CHD9: variants seen among roughly 807,000 people sequenced by gnomAD.
The protein encoded by CHD9 is ATP-dependent chromatin remodeler CHD9.
In CHD9, 77 loss-of-function variants were observed where a neutral mutation model predicts 316.1. The observed-to-expected ratio is 0.24, with a 90% CI of 0.20 to 0.29. CHD9 has a LOEUF of 0.29. CHD9 is among the 10% of genes least tolerant of loss of function. The pLI, the probability that CHD9 is intolerant of heterozygous loss-of-function variation, is 1.00. For synonymous variants in CHD9, 1,129 were observed against 1,158.3 expected (o/e 0.97, Z 0.51); for missense variants, 2,763 against 3,438.1 (o/e 0.80, Z 4.91).
At chr16:53,106,230 G>T (rs1368282837) in intron 1 of CHD9, among the ~76,000 whole-genome samples, 3 of 152,188 alleles carry the variant, frequency 2.0e-5, no homozygotes, top group Non-Finnish European at 4.4e-5. Flanking sequence ...AATACAAATG[G>T]CATATGCGTT....
At chr16:53,139,748 A>T (rs975857216) in intron 1 of CHD9, among the ~76,000 whole-genome samples, 22 of 152,176 alleles carry the variant, frequency 1.4e-4, no homozygotes, top group African/African-American at 5.3e-4. Flanking sequence ...TGCAAAGTAG[A>T]TGGTAATGAC....
rs1182090388 is a variant in CHD9 at position 53,267,275 on chromosome 16, T to C, written c.4321-19T>C. 6.4e-7 allele frequency: 1 copy of C among 1,550,800 alleles called. No individual in the cohort carries two copies. The highest frequency in any genetic ancestry group is 1.4e-5 in the African/African-American group (1 of 72,738). ...AAATCATAAAAGTACCTTCAGGTAA[T>C]AGCAGTTCTGTTTTACAGAACAGCT... On this transcript the variant is annotated intron_variant, in intron 20 of 38. Transcript: ENST00000447540.
chr16:53,274,083 A>G (rs1434430751), intron 23 of CHD9, 130 bp from the exon 24 acceptor site: 1 of 682,144 alleles, frequency 1.5e-6, no homozygotes, highest in African/African-American at 1.8e-5. Context: ...AATAAGATTC[A>G]TTTAATCAGA....
chr16:53,235,447 T>C (rs1338892647), intron 11 of CHD9, 141 bp downstream of exon 11: 2 of 592,910 alleles, frequency 3.4e-6, no homozygotes, highest in African/African-American at 1.9e-5. Context: ...CAGGAACATA[T>C]GTAAATTGCA....
At chr16:53,108,433 A>G (rs1006202130) in intron 1 of CHD9, among the ~76,000 whole-genome samples, 3 of 152,068 alleles carry the variant, frequency 2.0e-5, no homozygotes, top group Admixed American at 2.0e-4. Context: ...TGAGCCCAGG[A>G]GGTGGAGGCT....
chr16:53,283,534 T>C (rs2053598253), intron 24 of CHD9, among the ~76,000 whole-genome samples: 2 of 152,218 alleles, frequency 1.3e-5, no homozygotes, highest in Non-Finnish European at 2.9e-5. Context: ...TGCCATCTTA[T>C]GGTTGGCAAA....
At chr16:53,069,278 A>G (rs1008128813) in intron 1 of CHD9, among the ~76,000 whole-genome samples, 6 of 152,176 alleles carry the variant, frequency 3.9e-5, no homozygotes, top group Non-Finnish European at 8.8e-5. Context: ...TGCTGGGACT[A>G]CAGGCATGAG....
At chr16:53,179,569 G>T (rs898043146) in intron 2 of CHD9, among the ~76,000 whole-genome samples, 8 of 151,936 alleles carry the variant, frequency 5.3e-5, no homozygotes, top group Non-Finnish European at 4.4e-5. Flanking sequence ...AATGTATCTT[G>T]TACCCAGTCA....
intron 3 of CHD9, among the ~76,000 whole-genome samples, chr16:53,214,204 A>G (rs2046559042): frequency 1.3e-5 from 2 of 152,286 alleles, no homozygotes; most frequent in East Asian, 1.9e-4. Flanking sequence ...ACTAGCATCT[A>G]TGTCCACATG....
intron 1 of CHD9, among the ~76,000 whole-genome samples, chr16:53,093,636 A>G (rs1055386482): frequency 6.6e-6 from 1 of 152,120 alleles, no homozygotes; most frequent in Non-Finnish European, 1.5e-5. Flanking sequence ...TTTCTTCCCC[A>G]TTGTGTCATG....
chr16:53,158,146 A>G (rs548653245), intron 2 of CHD9, among the ~76,000 whole-genome samples: 5 of 152,360 alleles, frequency 3.3e-5, no homozygotes, highest in South Asian at 2.1e-4. Context: ...TGGTACCTAC[A>G]TGGCTTTGTT....
intron 13 of CHD9, 94 bp downstream of exon 13, chr16:53,243,110 T>G (rs1276189971): frequency 1.3e-5 from 11 of 839,102 alleles, no homozygotes; most frequent in Non-Finnish European, 1.8e-5. Flanking sequence ...TCTTTTTAAT[T>G]TTAGAGTGTA....
In CHD9 at chr16:53,231,471, A is replaced by C. The variant is rs1188760985; in HGVS notation, c.2339A>C (p.Glu780Ala). ...TACGTTGAAGTAGACAGAGTATTAG[A>C]AGTCTCTTTTTGTGAAGATAAGGAT... ...PDYVEVDRVLEVSFCEDKDTG... is the reference protein window; with the variant it reads ...PDYVEVDRVLAVSFCEDKDTG... The change falls in exon 9 of 39, where the codon GAA (glutamate) becomes GCA (alanine). Residue 780 changes from glutamate to alanine, a missense_variant. Coordinates refer to ENST00000447540, the MANE Select transcript of CHD9 (RefSeq NM_001308319.2). 14 of 1,601,570 alleles carry C rather than the reference A, an allele frequency of 8.7e-6. No individual in the cohort carries two copies. Among genetic ancestry groups the C allele is most frequent in the African/African-American group, 1.3e-5 (1 of 74,574 alleles).
chr16:53,245,973 T>C lies in CHD9; in HGVS notation c.3454+123T>C. The C allele has an allele frequency of 1.2e-5, 8 of 652,924 alleles. No individual in the cohort carries two copies. The highest frequency in any genetic ancestry group is 1.6e-5 in the Non-Finnish European group (7 of 432,638). The allele number at this position is 652,924 out of a possible 1,614,324, so 40.4% of individuals were successfully genotyped here. A position where few individuals can be genotyped will look rare whatever the true frequency, so the allele number is the denominator to read the frequency against. ...TCTCCACTGTGATATTCTAAGGAAT[T>C]ACAAGTGTTACAGAATCAGAGGCAA... is the stretch of plus-strand genomic sequence containing the variant. On this transcript the variant is annotated intron_variant, in intron 15 of 38. Transcript: ENST00000447540. The surrounding 1 kb of genome is among the most constrained non-coding windows in gnomAD (Gnocchi z 4.1).
intron 2 of CHD9, chr16:53,208,253 T>C: frequency 8.2e-7 from 1 of 1,218,522 alleles, no homozygotes; most frequent in South Asian, 1.4e-5. Flanking sequence ...CTTTCAATGC[T>C]TTTTTCTTGA....
chr16:53,267,691 C>CA (rs1268009603), intron 21 of CHD9, among the ~76,000 whole-genome samples: 4 of 152,116 alleles, frequency 2.6e-5, no homozygotes, highest in African/African-American at 7.2e-5. Flanking sequence ...TCACTAAAGT[C>CA]AAACTTCTTG....
chr16:53,235,151 T>G (rs778107581), intron 10 of CHD9, 34 bp from the exon 11 acceptor site: 4 of 1,538,172 alleles, frequency 2.6e-6, no homozygotes, highest in Non-Finnish European at 3.5e-6. Context: ...TATGGAAGAT[T>G]TAAACACCAT....
Position 53,129,915 on chromosome 16 carries a change from G to T in CHD9, c.-164-26011G>T, listed in dbSNP as rs2039143096. ...AGGCAAAACCAAGGCCCTAGGACAC[G>T]CTAGGATTTGATGTAGGTCACTCAG... On this transcript the variant is annotated intron_variant, in intron 1 of 38. Transcript: ENST00000447540. Among the ~76,000 whole-genome samples the T allele has an allele frequency of 2.0e-5, 3 of 152,148 alleles. No homozygotes were observed. In the South Asian group the frequency reaches 6.2e-4, roughly 32 times the overall value.
intron 3 of CHD9, among the ~76,000 whole-genome samples, chr16:53,219,367 TAAGAA>T (rs1296647809): frequency 3.3e-5 from 5 of 152,082 alleles, no homozygotes; most frequent in Admixed American, 3.3e-4. Flanking sequence ...AGGTAGTAGT[TAAGAA>T]AAGATTAAAT....
Sources: gnomAD v4.1 joint callset for allele counts (sites outside exome capture counted in the v4.1 genomes callset) on GRCh38, gnomAD v4.1.1 for gene constraint, Gnocchi (gnomAD v3.1) non-coding constraint, MANE v1.5 for transcripts, NCBI Gene and HGNC (gene_info 2026-07-23, HGNC 2026-07-21) for gene names.